Variants in KCTD8 observed in about 807,000 individuals in gnomAD.
The protein encoded by KCTD8 is BTB/POZ domain-containing protein KCTD8.
KCTD8 carries 27 observed loss-of-function variants against 31.5 expected under a neutral mutation model. The observed-to-expected ratio is 0.86, with a 90% CI of 0.63 to 1.18. KCTD8 has a LOEUF of 1.18. Ranked by LOEUF, KCTD8 falls within the 50% of genes most tolerant of loss-of-function variation. The pLI is 0.00. For missense variants in KCTD8, 658 were observed against 647.7 expected (o/e 1.02, Z -0.17); for synonymous variants, 290 against 280.0 (o/e 1.04, Z -0.36).
At chr4:44,189,168 C>T (rs1713684759) in intron 1 of KCTD8, among the ~76,000 whole-genome samples, 1 of 152,092 alleles carries the variant, frequency 6.6e-6, no homozygotes, top group Admixed American at 6.6e-5. Flanking sequence ...TCTTTAAGCT[C>T]CTATAGTAGT....
intron 1 of KCTD8, among the ~76,000 whole-genome samples, chr4:44,232,583 G>T (rs189737943): frequency 3.9e-5 from 6 of 152,230 alleles, no homozygotes; most frequent in Non-Finnish European, 4.4e-5. Flanking sequence ...CAGAAAAAAG[G>T]AATTCAGCAG....
intron 1 of KCTD8, among the ~76,000 whole-genome samples, chr4:44,199,147 A>C (rs571259287): frequency 6.6e-6 from 1 of 152,184 alleles, no homozygotes; most frequent in African/African-American, 2.4e-5. Flanking sequence ...CCAGATTCAC[A>C]AAACAAGTTC....
At chr4:44,181,230 CTCCCTCTCCCTCTCTTTCCACG>C in intron 1 of KCTD8, among the ~76,000 whole-genome samples, 2 of 137,224 alleles carry the variant, frequency 1.5e-5, no homozygotes, top group Non-Finnish European at 3.0e-5. Flanking sequence ...TTTCCACGGT[CTCCCTCTCCCTCTCTTTCCACG>C]GTCTCCCTCT....
At chr4:44,210,888 G>A (rs1714468579) in intron 1 of KCTD8, among the ~76,000 whole-genome samples, 1 of 152,166 alleles carries the variant, frequency 6.6e-6, no homozygotes, top group Admixed American at 6.6e-5. Flanking sequence ...GAGCATCAAT[G>A]TCATCATCAA....
chr4:44,367,652 T>C (rs550688179), intron 1 of KCTD8, among the ~76,000 whole-genome samples: 1 of 152,288 alleles, frequency 6.6e-6, no homozygotes, highest in South Asian at 2.1e-4. Flanking sequence ...TGTGTCATTG[T>C]TGAAAACCTC....
chr4:44,247,064 A>T (rs1208964889), intron 1 of KCTD8, among the ~76,000 whole-genome samples: 1 of 152,002 alleles, frequency 6.6e-6, no homozygotes, highest in Non-Finnish European at 1.5e-5. Flanking sequence ...CAGACATCTT[A>T]CAGAAATTCC....
chr4:44,411,392 A>G (rs145699112), intron 1 of KCTD8, among the ~76,000 whole-genome samples: 3,690 of 151,702 alleles, frequency 0.024, 104 homozygotes, highest in African/African-American at 0.062. Flanking sequence ...AAAAAAAAAA[A>G]AAAAAAAAAA....
chr4:44,265,165 C>T (rs1716306180), intron 1 of KCTD8, among the ~76,000 whole-genome samples: 1 of 152,124 alleles, frequency 6.6e-6, no homozygotes, highest in Non-Finnish European at 1.5e-5. Flanking sequence ...ACTGACACCT[C>T]ACACGGCCGG....
At chr4:44,436,283 A>C (rs1373835629) in intron 1 of KCTD8, among the ~76,000 whole-genome samples, 3 of 152,142 alleles carry the variant, frequency 2.0e-5, no homozygotes, top group African/African-American at 4.8e-5. Context: ...TGATACTACA[A>C]GAAAGCAAGC....
chr4:44,302,661 C>G (rs1433025019), intron 1 of KCTD8, among the ~76,000 whole-genome samples: 1 of 151,912 alleles, frequency 6.6e-6, no homozygotes, highest in Non-Finnish European at 1.5e-5. Flanking sequence ...ATGTCGTCTG[C>G]AAACAGGGAC....
chr4:44,423,215 CA>C (rs968962047), intron 1 of KCTD8, among the ~76,000 whole-genome samples: 4 of 151,970 alleles, frequency 2.6e-5, no homozygotes, highest in Non-Finnish European at 4.4e-5. Context: ...TTACTGAGCC[CA>C]AAATCTCAAT....
chr4:44,186,453 G>C lies in KCTD8; in HGVS notation c.962-11203C>G, dbSNP rs1216388185. On this transcript the variant is annotated intron_variant, in intron 1 of 1. Coordinates refer to ENST00000360029, the MANE Select transcript of KCTD8 (RefSeq NM_198353.3). The stretch of plus-strand genomic sequence containing the variant: ...CTGGTACACCAAGGCAAGAACACTG[G>C]GATACAGAAAGCCCTCTGTCCTTGC... Among the ~76,000 whole-genome samples the C allele has an allele frequency of 2.0e-5, 3 of 152,154 alleles. No homozygotes were observed. In the East Asian group the frequency reaches 5.8e-4, roughly 29 times the overall value.
chr4:44,287,219 C>A lies in KCTD8; in HGVS notation c.962-111969G>T, dbSNP rs75246076. Among the ~76,000 whole-genome samples the A allele has an allele frequency of 1.5e-3, 227 of 151,890 alleles. 3 individuals are homozygous for A. In the East Asian group the frequency reaches 0.034, roughly 23 times the overall value. On this transcript the variant is annotated intron_variant, in intron 1 of 1. Transcript: ENST00000360029. Reference sequence around the variant, plus strand: ...AATGCTTGAGCCCATGAGTTCAAGACCAGCCTGGACAAAAATAGCGAAACC... The same window carrying A: ...AATGCTTGAGCCCATGAGTTCAAGAACAGCCTGGACAAAAATAGCGAAACC...
chr4:44,328,590 G>A, intron 1 of KCTD8, among the ~76,000 whole-genome samples: 1 of 151,886 alleles, frequency 6.6e-6, no homozygotes, highest in East Asian at 1.9e-4. Context: ...AGTTTTAGAT[G>A]ATTTTCCATT....
At chr4:44,318,343 G>T (rs1718199284) in intron 1 of KCTD8, among the ~76,000 whole-genome samples, 1 of 152,106 alleles carries the variant, frequency 6.6e-6, no homozygotes, top group Non-Finnish European at 1.5e-5. Context: ...CAATCCTCCT[G>T]TCCCAGCCTT....
chr4:44,176,778 G>A (rs563556183), intron 1 of KCTD8, among the ~76,000 whole-genome samples: 1 of 152,084 alleles, frequency 6.6e-6, no homozygotes, highest in Non-Finnish European at 1.5e-5. Context: ...GAGCTTTTAT[G>A]TATGTAAATT....
intron 1 of KCTD8, among the ~76,000 whole-genome samples, chr4:44,379,532 G>A (rs1290309427): frequency 2.0e-5 from 3 of 152,028 alleles, no homozygotes; most frequent in African/African-American, 7.2e-5. Flanking sequence ...ATTAGTCCAT[G>A]GAAACTAAAA....
At chr4:44,261,508 T>C (rs889126293) in intron 1 of KCTD8, among the ~76,000 whole-genome samples, 1 of 152,022 alleles carries the variant, frequency 6.6e-6, no homozygotes, top group African/African-American at 2.4e-5. Flanking sequence ...CTACTAACTA[T>C]AGTCATCATG....
chr4:44,343,672 G>A (rs565699848), intron 1 of KCTD8, among the ~76,000 whole-genome samples: 1 of 152,170 alleles, frequency 6.6e-6, no homozygotes, highest in African/African-American at 2.4e-5. Context: ...TAAGTTTTTA[G>A]GGTTTTCACA....
Sources: allele counts gnomAD v4.1 joint callset (sites outside exome capture counted in the v4.1 genomes callset), GRCh38; gene constraint gnomAD v4.1.1; transcripts MANE v1.5; gene names NCBI Gene and HGNC (gene_info 2026-07-23, HGNC 2026-07-21).